PCDHA4: variants seen among roughly 807,000 people sequenced by gnomAD.
PCDHA4 encodes protocadherin alpha 4.
In PCDHA4, 49 loss-of-function variants were observed where a neutral mutation model predicts 61.4. The observed-to-expected ratio is 0.80, with a 90% CI of 0.63 to 1.01. The LOEUF (loss-of-function observed/expected upper bound fraction) is 1.01, where lower values mean the gene tolerates loss of function less well. Ranked by LOEUF, PCDHA4 falls within the 50% of genes least tolerant of loss-of-function variation. The pLI is 0.00. For synonymous variants in PCDHA4, 590 were observed against 550.3 expected (o/e 1.07, Z -1.01); for missense variants, 1,254 against 1,235.8 (o/e 1.01, Z -0.22).
chr5:140,877,493 A>C, intron 1 of PCDHA4: 1 of 1,613,856 alleles, frequency 6.2e-7, no homozygotes, highest in African/African-American at 1.3e-5. Flanking sequence ...GAGAACGGCC[A>C]GGCCCCAAAG....
At chr5:140,824,650 G>A (rs1768319030) in intron 1 of PCDHA4, 1 of 120,748 alleles carries the variant, frequency 8.3e-6, no homozygotes. Flanking sequence ...GTAGAGATAG[G>A]GGTCTTGCTA....
intron 2 of PCDHA4, among the ~76,000 whole-genome samples, chr5:140,981,152 C>T (rs1340087244): frequency 6.6e-6 from 1 of 152,210 alleles, no homozygotes; most frequent in African/African-American, 2.4e-5. Flanking sequence ...AAACATTGAA[C>T]TTATATGTTG....
At chr5:140,951,034 A>G (rs1407307131) in intron 1 of PCDHA4, among the ~76,000 whole-genome samples, 1 of 151,932 alleles carries the variant, frequency 6.6e-6, no homozygotes, top group African/African-American at 2.4e-5. Context: ...TTAATTTCAA[A>G]TATTATATTT....
intron 1 of PCDHA4, among the ~76,000 whole-genome samples, chr5:140,904,015 AT>A (rs1171166257): frequency 6.6e-6 from 1 of 152,234 alleles, no homozygotes; most frequent in Non-Finnish European, 1.5e-5. Flanking sequence ...ACTTTAAAAA[AT>A]AATGGTATAA....
intron 1 of PCDHA4, chr5:140,858,285 G>T: frequency 6.3e-7 from 1 of 1,597,520 alleles, no homozygotes; most frequent in Non-Finnish European, 8.6e-7. Flanking sequence ...GTGGGGAGCT[G>T]GTCTTACTCG....
intron 1 of PCDHA4, among the ~76,000 whole-genome samples, chr5:140,918,041 C>T (rs1554198405): frequency 6.6e-6 from 1 of 152,058 alleles, no homozygotes; most frequent in Non-Finnish European, 1.5e-5. Flanking sequence ...AAGGTCTTTC[C>T]ATTTGTTTTA....
chr5:140,827,962 TA>T, intron 1 of PCDHA4: 1 of 1,320,364 alleles, frequency 7.6e-7, no homozygotes, highest in South Asian at 1.4e-5. Flanking sequence ...TTTCTTCTAT[TA>T]CTGCATCATT....
intron 1 of PCDHA4, among the ~76,000 whole-genome samples, chr5:140,885,682 A>G (rs1367880744): frequency 6.6e-6 from 1 of 152,194 alleles, no homozygotes; most frequent in Non-Finnish European, 1.5e-5. Flanking sequence ...TTCTATCTCA[A>G]GAAGCAATAG....
chr5:140,853,924 T>G, intron 1 of PCDHA4: 1 of 905,060 alleles, frequency 1.1e-6, no homozygotes, highest in Non-Finnish European at 1.3e-6. Flanking sequence ...ATCCCAACAT[T>G]TTGGGAGGCC....
intron 1 of PCDHA4, chr5:140,852,235 C>A: frequency 1.8e-6 from 1 of 570,324 alleles, no homozygotes; most frequent in Non-Finnish European, 2.3e-6. Flanking sequence ...TAAATTTTCC[C>A]TTAAAACACA....
chr5:140,830,474 C>T (rs1771087062), intron 1 of PCDHA4: 1 of 1,550,922 alleles, frequency 6.4e-7, no homozygotes, highest in Non-Finnish European at 8.7e-7. Context: ...AAATGAAGAT[C>T]ATGATGCCAA....
chr5:140,971,163 T>C (rs2096460132), intron 1 of PCDHA4, among the ~76,000 whole-genome samples: 1 of 152,180 alleles, frequency 6.6e-6, no homozygotes, highest in Non-Finnish European at 1.5e-5. Flanking sequence ...AGGCTCAGCT[T>C]TGCCACCAGC....
rs868911123 is a variant in PCDHA4, at chr5:140,808,136, G to A, written c.949G>A (p.Glu317Lys). The A allele has an allele frequency of 6.2e-7, 1 of 1,614,132 alleles. No homozygotes were observed. Among genetic ancestry groups the A allele is most frequent in the East Asian group, 2.2e-5 (1 of 44,888 alleles). ...TGACTTTGAAGAAAGCAAATCCTAT[G>A]AAATTATTGTAGAGGGCATTGATAA... is the stretch of plus-strand genomic sequence containing the variant. ...YIDFEESKSY[E>K]IIVEGIDKGQ... Residue 317 changes from glutamate (E) to lysine (K), a missense_variant, in exon 1 of 4, where the codon GAA becomes AAA. By Grantham distance (56) the Glu-to-Lys change is moderately conservative. Transcript: ENST00000530339.
chr5:140,905,880 A>C (rs1485985374), intron 1 of PCDHA4, among the ~76,000 whole-genome samples: 1 of 152,172 alleles, frequency 6.6e-6, no homozygotes, highest in Non-Finnish European at 1.5e-5. Context: ...AGGCCCAACA[A>C]TAGGCCATCT....
intron 1 of PCDHA4, chr5:140,968,024 A>C: frequency 1.2e-6 from 2 of 1,614,178 alleles, no homozygotes; most frequent in Non-Finnish European, 1.7e-6. Flanking sequence ...AAACTCCTAT[A>C]CACTGGTGGT....
At position 141,010,718 on chromosome 5, in the gene PCDHA4, T is replaced by C. The variant is rs2154002137; in HGVS notation, c.*781T>C. Reference sequence around the variant, plus strand: ...TTTCCTATACATGTCCTGTGCTCACTTTATTAAAAATTCTTTTGCACACAA... The same window carrying C: ...TTTCCTATACATGTCCTGTGCTCACCTTATTAAAAATTCTTTTGCACACAA... On this transcript the variant is annotated 3_prime_UTR_variant, in exon 4 of 4. Coordinates refer to ENST00000530339, the MANE Select transcript of PCDHA4 (RefSeq NM_018907.4). The C allele has an allele frequency of 6.5e-6, 1 of 154,542 alleles. No homozygotes were observed. The highest frequency in any genetic ancestry group is 1.9e-4 in the East Asian group (1 of 5,208). 9.6% of individuals were successfully genotyped at this position (154,542 alleles called of 1,614,324 possible). A position where few individuals can be genotyped will look rare whatever the true frequency, so the allele number is the denominator to read the frequency against.
chr5:140,823,412 G>A, intron 1 of PCDHA4: 2 of 1,613,222 alleles, frequency 1.2e-6, no homozygotes. Context: ...CCTCTGGGCA[G>A]CAACGTGACG....
rs781845787 is a variant in PCDHA4, at chr5:140,884,003, G to C, written c.2385+74431G>C. 7.4e-6 allele frequency: 12 copies of C among 1,613,086 alleles called. No homozygotes were observed. In the South Asian group the frequency reaches 1.3e-4, roughly 18 times the overall value. ...TGGCAGCGCGGGAGGCACAGTGAGC[G>C]AGCTGATGCCGCGGTCGGTGGGTGC... On this transcript the variant is annotated intron_variant, in intron 1 of 3. Transcript: ENST00000530339.
chr5:140,909,268 A>C (rs946921668), intron 1 of PCDHA4, among the ~76,000 whole-genome samples: 1 of 152,240 alleles, frequency 6.6e-6, no homozygotes. Context: ...ACTGAAGGCA[A>C]ATTGCTTCTG....
Sources: allele counts gnomAD v4.1 joint callset (sites outside exome capture counted in the v4.1 genomes callset), GRCh38; gene constraint gnomAD v4.1.1; transcripts MANE v1.5; gene names NCBI Gene and HGNC (gene_info 2026-07-23, HGNC 2026-07-21).